AGAP5: variants seen among roughly 807,000 people sequenced by gnomAD.
AGAP5 encodes ArfGAP with GTPase domain, ankyrin repeat and PH domain 5.
In AGAP5, 8 loss-of-function variants were observed where a neutral mutation model predicts 27.7. The ratio of observed to expected loss-of-function variants is 0.29; its 90% CI spans 0.17 to 0.52. The LOEUF (loss-of-function observed/expected upper bound fraction) is 0.52, where lower values mean the gene tolerates loss of function less well. Among genes scored for constraint, AGAP5 ranks in the 20% least tolerant of loss-of-function variants. The pLI is 0.97. For missense variants in AGAP5, 285 were observed against 880.8 expected (o/e 0.32, Z 8.56); for synonymous variants, 111 against 338.0 (o/e 0.33, Z 7.37).
At chr10:73,695,949 T>C (rs1332636460) in intron 2 of AGAP5, among the ~76,000 whole-genome samples, 3 of 152,262 alleles carry the variant, frequency 2.0e-5, no homozygotes, top group African/African-American at 4.8e-5. Context: ...TGTTTTCTCT[T>C]TTCTACCAGC....
At chr10:73,689,300 C>G (rs1034357448) in intron 4 of AGAP5, among the ~76,000 whole-genome samples, 1 of 152,198 alleles carries the variant, frequency 6.6e-6, no homozygotes, top group African/African-American at 2.4e-5. Flanking sequence ...TCAATGGTGC[C>G]CAGGCTGGAG....
chr10:73,677,011 T>C (rs2081985769), intron 6 of AGAP5, among the ~76,000 whole-genome samples: 1 of 152,064 alleles, frequency 6.6e-6, no homozygotes, highest in African/African-American at 2.4e-5. Context: ...GAATATTGAC[T>C]CTCCCTAACA....
At chr10:73,676,842 T>G (rs1177211907) in intron 6 of AGAP5, 72 bp from the exon 7 acceptor site, 1 of 851,456 alleles carries the variant, frequency 1.2e-6, no homozygotes, top group African/African-American at 1.7e-5. Context: ...AGTAAAATAC[T>G]TCCTCCTGTG....
rs533406768 is a variant in AGAP5, at chr10:73,675,320, T to C, written c.1340A>G (p.Gln447Arg). 7 of 1,613,494 alleles carry C rather than the reference T, an allele frequency of 4.3e-6. No homozygotes were observed. In the East Asian group the frequency reaches 6.7e-5, roughly 15 times the overall value. Residue 447 changes from glutamine to arginine, a missense_variant, in exon 8 of 8, where the codon CAG becomes CGG. Gln to Arg is a conservative substitution (Grantham distance 43). Coordinates refer to ENST00000374094, the MANE Select transcript of AGAP5 (RefSeq NM_001144000.4). ...CTTGCTTTTACTGCTCTCGCATGAC[T>C]GCAGGCTGGCCAGGATCTGGCTCTG... is the stretch of plus-strand genomic sequence containing the variant. Reference protein sequence around the residue: ...AIQSQILASLQSCESSKSKSQ... With the variant: ...AIQSQILASLRSCESSKSKSQ...
chr10:73,676,788 G>A lies in AGAP5; in HGVS notation c.534-18C>T, dbSNP rs1431983581. ...CTGCATCTCTATAAAATAAGAAAGT[G>A]CATTACTTCAAAAACTGTTAATATC... On this transcript the variant is annotated intron_variant, in intron 6 of 7. Coordinates refer to ENST00000374094, the MANE Select transcript of AGAP5 (RefSeq NM_001144000.4). 2.8e-6 allele frequency: 3 copies of A among 1,057,358 alleles called. No individual in the cohort carries two copies. The South Asian group carries it at 3.9e-5, about 14-fold the overall frequency. The allele number at this position is 1,057,358 out of a possible 1,614,324, so 65.5% of individuals were successfully genotyped here.
At chr10:73,696,255 TG>T (rs1257379057) in intron 2 of AGAP5, among the ~76,000 whole-genome samples, 1 of 152,054 alleles carries the variant, frequency 6.6e-6, no homozygotes, top group African/African-American at 2.4e-5. Flanking sequence ...TGACCTCAGG[TG>T]ATCTGCCTGC....
At chr10:73,690,343 C>G (rs1267872262) in intron 4 of AGAP5, among the ~76,000 whole-genome samples, 5 of 152,178 alleles carry the variant, frequency 3.3e-5, no homozygotes, top group Admixed American at 3.3e-4. Context: ...TGTGCTGTAT[C>G]CACTCAGGGT....
chr10:73,683,352 CAAAA>C (rs1200419065), intron 4 of AGAP5, among the ~76,000 whole-genome samples: 1 of 21,362 alleles, frequency 4.7e-5, no homozygotes. Flanking sequence ...GACTCCGTCT[CAAAA>C]AAAAAAAAAA....
rs745654749 is a variant in AGAP5, at chr10:73,697,790, C to T, written c.-35G>A. On this transcript the variant is annotated 5_prime_UTR_variant, in exon 1 of 8. Transcript: ENST00000374094. The stretch of plus-strand genomic sequence containing the variant: ...CTACTGTCTGCCACCACCTGTGCCT[C>T]TGCTCACAGCTTTGGCCACACACTC... The T allele has an allele frequency of 1.3e-6, 2 of 1,596,180 alleles. No homozygotes were observed. Among genetic ancestry groups the T allele is most frequent in the Non-Finnish European group, 1.7e-6 (2 of 1,179,106 alleles).
Position 73,697,969 on chromosome 10 carries a change from CCT to C in AGAP5, c.-216_-215del. The C allele has an allele frequency of 1.3e-6, 2 of 1,495,858 alleles. No individual in the cohort carries two copies. Among genetic ancestry groups the C allele is most frequent in the Non-Finnish European group, 8.9e-7 (1 of 1,127,424 alleles). 92.7% of individuals were successfully genotyped at this position (1,495,858 alleles called of 1,614,324 possible). A position where few individuals can be genotyped will look rare whatever the true frequency, so the allele number is the denominator to read the frequency against. On this transcript the variant is annotated 5_prime_UTR_variant, in exon 1 of 8. Transcript: ENST00000374094. Reference sequence around the variant, plus strand: ...TCAAGGCCCACACCCTGCTGCCTCCCCTGAGTTGACTTGTCTGGGAGGGTGAA... The same window carrying C: ...TCAAGGCCCACACCCTGCTGCCTCCCGAGTTGACTTGTCTGGGAGGGTGAA...
chr10:73,694,882 C>T, intron 2 of AGAP5, 78 bp from the exon 3 acceptor site: 1 of 1,595,918 alleles, frequency 6.3e-7, no homozygotes, highest in African/African-American at 1.3e-5. Context: ...TCAACTGCTG[C>T]ATTTAGGCTA....
intron 2 of AGAP5, 66 bp from the exon 3 acceptor site, chr10:73,694,870 A>G: frequency 1.3e-6 from 2 of 1,597,066 alleles, no homozygotes; most frequent in South Asian, 1.1e-5. Context: ...CAACTCGTTT[A>G]TTCAACTGCT....
At chr10:73,677,792 C>T (rs2081992385) in intron 6 of AGAP5, among the ~76,000 whole-genome samples, 1 of 151,994 alleles carries the variant, frequency 6.6e-6, no homozygotes, top group Admixed American at 6.6e-5. Flanking sequence ...TGACACTTGC[C>T]ATGATTGTAT....
rs1286240220 is a variant in AGAP5, at chr10:73,697,096, A to G, written c.291T>C (p.Asp97=). ...STIFQRNSQT[D]ALEFNPSANP... ...GAGCTACAGACACTGTTGTCTCACC[A>G]TCTGTTTGAGAGTTCCTCTGGAATA... is the stretch of plus-strand genomic sequence containing the variant. Residue 97 remains aspartate, a splice_region_variant and synonymous_variant, in exon 2 of 8, where the codon GAT becomes GAC. Coordinates refer to ENST00000374094, the MANE Select transcript of AGAP5 (RefSeq NM_001144000.4). 1.9e-6 allele frequency: 3 copies of G among 1,597,810 alleles called. No homozygotes were observed. Among genetic ancestry groups the G allele is most frequent in the East Asian group, 4.5e-5 (2 of 44,872 alleles).
chr10:73,675,517 G>T lies in AGAP5; in HGVS notation c.1143C>A (p.Ile381=). 1 of 1,613,846 alleles carries T rather than the reference G, an allele frequency of 6.2e-7. No individual in the cohort carries two copies. Among genetic ancestry groups the T allele is most frequent in the East Asian group, 2.2e-5 (1 of 44,874 alleles). The change falls in exon 8 of 8, where the codon ATC becomes ATA. Residue 381 remains isoleucine, a synonymous_variant. Coordinates refer to ENST00000374094, the MANE Select transcript of AGAP5 (RefSeq NM_001144000.4). The part of the protein sequence containing the change: ...LGDSICFSPS[I]SSTTSPKLNP... ...TGAGCTTGGGGCTGGTGGTGCTGGA[G>T]ATACTGGGGCTGAAGCATATGGAGT...
chr10:73,689,269 G>A (rs1003262367), intron 4 of AGAP5, among the ~76,000 whole-genome samples: 12 of 152,244 alleles, frequency 7.9e-5, no homozygotes, highest in Non-Finnish European at 1.6e-4. Context: ...GATTGCAGAC[G>A]GAGTCTCGTT....
chr10:73,692,251 A>G (rs538625494), intron 3 of AGAP5, among the ~76,000 whole-genome samples, 174 bp from the exon 4 acceptor site: 10 of 151,906 alleles, frequency 6.6e-5, no homozygotes, highest in African/African-American at 2.4e-4. Context: ...CATAAGTCAA[A>G]TCTAAAAACT....
intron 6 of AGAP5, among the ~76,000 whole-genome samples, chr10:73,677,373 G>C (rs1447463143): frequency 2.1e-5 from 2 of 97,252 alleles, no homozygotes; most frequent in Non-Finnish European, 4.2e-5. Context: ...GGTCATAACT[G>C]TTCTTTTTTT....
chr10:73,690,792 C>T (rs187097530), intron 4 of AGAP5, among the ~76,000 whole-genome samples: 69 of 152,160 alleles, frequency 4.5e-4, no homozygotes, highest in African/African-American at 1.4e-3. Context: ...AGGACACAGG[C>T]GATCCCACAC....
Sources: gnomAD v4.1 joint callset for allele counts (sites outside exome capture counted in the v4.1 genomes callset) on GRCh38, gnomAD v4.1.1 for gene constraint, MANE v1.5 for transcripts, NCBI Gene and HGNC (gene_info 2026-07-23, HGNC 2026-07-21) for gene names.